PPP2R2B: variants seen among roughly 807,000 people sequenced by gnomAD.
The protein encoded by PPP2R2B is serine/threonine-protein phosphatase 2A 55 kDa regulatory subunit B beta isoform.
Under a neutral mutation model 46.0 loss-of-function variants are expected in PPP2R2B, and 5 were observed. The ratio of observed to expected loss-of-function variants is 0.11; its 90% CI spans 0.06 to 0.23. The LOEUF (loss-of-function observed/expected upper bound fraction) is 0.23. Ranked by LOEUF, PPP2R2B falls within the 10% of genes least tolerant of loss-of-function variation. The probability of loss-of-function intolerance (pLI) is 1.00; values close to 1 mark genes in which losing one functional copy is unlikely to be tolerated. For synonymous variants in PPP2R2B, 215 were observed against 206.7 expected, an observed-to-expected ratio of 1.04 and a Z score of -0.34; for missense variants, 367 against 575.0, an observed-to-expected ratio of 0.64 and a Z score of 3.70.
At position 146,700,074 on chromosome 5, in the gene PPP2R2B, T is replaced by C. The variant is rs139271667; in HGVS notation, c.168+971A>G. On this transcript the variant is annotated intron_variant, in intron 3 of 9. Transcript: ENST00000394411. Reference sequence around the variant, plus strand: ...TTAATTGCAAATAATGTGCAATTACTAAATATATCACCTCTAAATGAGGCT... The same window carrying C: ...TTAATTGCAAATAATGTGCAATTACCAAATATATCACCTCTAAATGAGGCT... 4.0e-3 allele frequency among the ~76,000 whole-genome samples: 606 copies of C among 152,340 alleles called. 5 individuals carry two copies. Among genetic ancestry groups the C allele is most frequent in the African/African-American group, 0.014 (572 of 41,584 alleles).
upstream of PPP2R2B, among the ~76,000 whole-genome samples, chr5:146,882,224 C>T (rs1762189943): frequency 2.0e-5 from 3 of 151,440 alleles, no homozygotes. Context: ...TTGCATCGCA[C>T]CACTGCACTC....
intron 1 of PPP2R2B, among the ~76,000 whole-genome samples, chr5:146,936,196 T>G (rs980020384): frequency 6.6e-6 from 1 of 152,124 alleles, no homozygotes; most frequent in African/African-American, 2.4e-5. Flanking sequence ...TGTCTCAGTA[T>G]CTTATCTTTT....
intron 1 of PPP2R2B, among the ~76,000 whole-genome samples, chr5:146,901,709 C>A (rs1762842322): frequency 6.6e-6 from 1 of 152,006 alleles, no homozygotes; most frequent in Non-Finnish European, 1.5e-5. Flanking sequence ...GAGAAGAATG[C>A]AAGCAGGAGG....
chr5:146,655,346 CAG>C (rs1776254692), intron 5 of PPP2R2B, among the ~76,000 whole-genome samples: 1 of 152,188 alleles, frequency 6.6e-6, no homozygotes, highest in African/African-American at 2.4e-5. Flanking sequence ...TCTTCCCCCC[CAG>C]AGAGTGGCAC....
chr5:146,739,601 A>G (rs1752746483), intron 2 of PPP2R2B, among the ~76,000 whole-genome samples: 1 of 152,218 alleles, frequency 6.6e-6, no homozygotes, highest in African/African-American at 2.4e-5. Context: ...CTTGAGGTTC[A>G]TGAGGAAGGT....
At chr5:146,956,853 A>T (rs79531963) in intron 1 of PPP2R2B, among the ~76,000 whole-genome samples, 40 of 152,232 alleles carry the variant, frequency 2.6e-4, no homozygotes, top group African/African-American at 9.1e-4. Context: ...ACATCTTTAC[A>T]TGGTGGAAAG....
intron 7 of PPP2R2B, among the ~76,000 whole-genome samples, chr5:146,625,523 C>T (rs1773994802): frequency 6.6e-6 from 1 of 152,042 alleles, no homozygotes; most frequent in Non-Finnish European, 1.5e-5. Context: ...AAGAGTCTAG[C>T]CATAATAATG....
intron 2 of PPP2R2B, among the ~76,000 whole-genome samples, chr5:147,062,813 A>G (rs1290291229): frequency 3.3e-5 from 5 of 151,994 alleles, no homozygotes; most frequent in Non-Finnish European, 5.9e-5. Flanking sequence ...TGACTACCGT[A>G]ATCATGTAGA....
intron 5 of PPP2R2B, among the ~76,000 whole-genome samples, chr5:146,690,017 A>G (rs775259757): frequency 2.0e-5 from 3 of 152,226 alleles, no homozygotes; most frequent in Non-Finnish European, 2.9e-5. Context: ...TATTAAACAA[A>G]TAAACAAGTG....
intron 2 of PPP2R2B, among the ~76,000 whole-genome samples, chr5:146,812,563 A>G (rs1242196449): frequency 2.7e-4 from 2 of 7,388 alleles, no homozygotes; most frequent in African/African-American, 1.2e-3. Flanking sequence ...AGAAGAGTAT[A>G]TATATATATA....
intron 1 of PPP2R2B, among the ~76,000 whole-genome samples, chr5:146,911,147 GATCTC>G (rs1460026590): frequency 6.6e-6 from 1 of 150,748 alleles, no homozygotes; most frequent in East Asian, 2.0e-4. Context: ...GCAGTAGTGT[GATCTC>G]AGCTCACTGC....
chr5:146,967,057 T>C (rs902130545), intron 1 of PPP2R2B, among the ~76,000 whole-genome samples: 1 of 152,238 alleles, frequency 6.6e-6, no homozygotes. Flanking sequence ...CTGAGTCTCA[T>C]AGAAGTGAAG....
chr5:146,648,352 A>C (rs1775720799), intron 6 of PPP2R2B, among the ~76,000 whole-genome samples: 1 of 152,198 alleles, frequency 6.6e-6, no homozygotes, highest in African/African-American at 2.4e-5. Context: ...TCATACGAAA[A>C]TAATCTTTTA....
chr5:146,821,028 C>T (rs1237935654), intron 2 of PPP2R2B, among the ~76,000 whole-genome samples: 6 of 152,202 alleles, frequency 3.9e-5, no homozygotes, highest in Admixed American at 1.3e-4. Context: ...TCCATCATTC[C>T]GCCTCCTTGA....
chr5:146,953,351 T>G (rs1227058041), intron 1 of PPP2R2B, among the ~76,000 whole-genome samples: 2 of 152,176 alleles, frequency 1.3e-5, no homozygotes, highest in African/African-American at 2.4e-5. Context: ...ATTTGCAAGG[T>G]TGCTACCAAG....
At chr5:146,795,535 G>A (rs1756476722) in intron 2 of PPP2R2B, among the ~76,000 whole-genome samples, 2 of 152,078 alleles carry the variant, frequency 1.3e-5, no homozygotes, top group South Asian at 4.1e-4. Context: ...TGAGGAGTGA[G>A]GTATTGGGGA....
At chr5:146,946,681 C>T (rs919380968) in intron 1 of PPP2R2B, among the ~76,000 whole-genome samples, 3 of 152,050 alleles carry the variant, frequency 2.0e-5, no homozygotes, top group African/African-American at 7.2e-5. Context: ...GTCTAATTTG[C>T]ATTGCAAATT....
intron 1 of PPP2R2B, among the ~76,000 whole-genome samples, chr5:146,979,782 AAATAG>A (rs1753082924): frequency 6.6e-6 from 1 of 152,204 alleles, no homozygotes; most frequent in African/African-American, 2.4e-5. Context: ...ATAACTCATA[AAATAG>A]AACAATTATA....
chr5:146,753,459 A>C (rs1365900368), intron 2 of PPP2R2B, among the ~76,000 whole-genome samples: 1 of 152,156 alleles, frequency 6.6e-6, no homozygotes, highest in African/African-American at 2.4e-5. Flanking sequence ...GAATCTGACC[A>C]AACATTTTCA....
Sources: allele counts gnomAD v4.1 joint callset (sites outside exome capture counted in the v4.1 genomes callset), GRCh38; gene constraint gnomAD v4.1.1; transcripts MANE v1.5; gene names NCBI Gene and HGNC (gene_info 2026-07-23, HGNC 2026-07-21).